The following HMCN2 variants were observed in gnomAD, a reference collection of about 807,000 sequenced individuals.
HMCN2 encodes the protein hemicentin-2.
In HMCN2, 325 loss-of-function variants were observed where a neutral mutation model predicts 377.5. The ratio of observed to expected loss-of-function variants is 0.86; its 90% CI spans 0.79 to 0.94. The LOEUF (loss-of-function observed/expected upper bound fraction) is 0.94, where lower values mean the gene tolerates loss of function less well. Ranked by LOEUF, HMCN2 falls within the 40% of genes least tolerant of loss-of-function variation. The pLI is 0.00. For synonymous variants in HMCN2, 2,007 were observed against 2,046.8 expected (o/e 0.98, Z 0.53); for missense variants, 4,543 against 4,725.3 (o/e 0.96, Z 1.13).
At chr9:130,432,682 C>T in intron 97 of HMCN2, 127 bp downstream of exon 97, 1 of 1,049,672 alleles carries the variant, frequency 9.5e-7, no homozygotes, top group South Asian at 1.6e-5. Flanking sequence ...GCACGGAGCC[C>T]TGGGGGCAGG....
chr9:130,326,367 A>G (rs1719261549), intron 21 of HMCN2, among the ~76,000 whole-genome samples: 1 of 152,050 alleles, frequency 6.6e-6, no homozygotes, highest in East Asian at 1.9e-4. Context: ...CGTCACAGCT[A>G]TGATTCAATA....
chr9:130,269,129 C>T lies in HMCN2; in HGVS notation c.259+2992C>T, dbSNP rs780565795. Among the ~76,000 whole-genome samples the T allele has an allele frequency of 2.0e-5, 3 of 148,162 alleles. 1 individual carries two copies. The highest frequency in any genetic ancestry group is 2.2e-4 in the South Asian group (1 of 4,576). On this transcript the variant is annotated intron_variant, in intron 1 of 97. Coordinates refer to ENST00000683500, the MANE Select transcript of HMCN2 (RefSeq NM_001291815.2). ...GAGGCGGGTGCGGGGCAAATCGTGG[C>T]GGTTCTAGACTGTTCCTGCTTGGAG...
chr9:130,340,827 G>A (rs1255795879), intron 23 of HMCN2, among the ~76,000 whole-genome samples: 3 of 152,166 alleles, frequency 2.0e-5, no homozygotes, highest in Non-Finnish European at 4.4e-5. Context: ...CCCGAGTGGC[G>A]CTTCTTAAAT....
Position 130,396,222 on chromosome 9 carries a change from A to ACAGC in HMCN2, c.11109_11112dup (p.Leu3705SerfsTer32). 7 of 1,286,692 alleles carry ACAGC rather than the reference A, an allele frequency of 5.4e-6. No homozygotes were observed. Among genetic ancestry groups the ACAGC allele is most frequent in the Non-Finnish European group, 7.1e-6 (7 of 986,272 alleles). 79.7% of individuals were successfully genotyped at this position (1,286,692 alleles called of 1,614,324 possible). A position where few individuals can be genotyped will look rare whatever the true frequency, so the allele number is the denominator to read the frequency against. The stretch of plus-strand genomic sequence containing the variant: ...TGCAGTGAACGTCTCAGTGAACCAG[A>ACAGC]CAGCCCTGCTGCCTTGCCAGGCCGA... On this transcript the variant is annotated frameshift_variant, in exon 73 of 98. Coordinates refer to ENST00000683500, the MANE Select transcript of HMCN2 (RefSeq NM_001291815.2). LOFTEE classifies it high-confidence loss of function.
At chr9:130,425,512 C>T (rs1165509999) in intron 89 of HMCN2, among the ~76,000 whole-genome samples, 175 bp from the exon 90 acceptor site, 1 of 149,970 alleles carries the variant, frequency 6.7e-6, no homozygotes, top group African/African-American at 2.5e-5. Flanking sequence ...CACCCCATCT[C>T]TTCCCAAGGC....
Position 130,425,773 on chromosome 9 carries a change from G to C in HMCN2, c.13728G>C (p.Ser4576=). ...TQRFFQGGLP[S]FLRCNHSIQY... is the part of the protein sequence containing the mutation. The stretch of plus-strand genomic sequence containing the variant: ...GCTTCTTCCAGGGCGGCCTCCCCTC[G>C]TTCCTACGCTGCAACCACAGCATCC... The change falls in exon 90 of 98, where the codon TCG becomes TCC. Residue 4576 remains serine (S), a synonymous_variant. Transcript: ENST00000683500. 1 of 1,550,310 alleles carries C rather than the reference G, an allele frequency of 6.5e-7. No individual in the cohort carries two copies. The highest frequency in any genetic ancestry group is 8.7e-7 in the Non-Finnish European group (1 of 1,146,976).
chr9:130,276,729 C>T (rs1022378951), intron 1 of HMCN2, among the ~76,000 whole-genome samples: 4 of 152,292 alleles, frequency 2.6e-5, no homozygotes, highest in African/African-American at 7.2e-5. Context: ...GAGGGAATCA[C>T]GTTTGCCCAG....
chr9:130,306,005 G>A (rs1554936525), intron 11 of HMCN2, 124 bp from the exon 12 acceptor site: 11 of 403,814 alleles, frequency 2.7e-5, no homozygotes, highest in Non-Finnish European at 5.2e-6. Context: ...GCCCTCTGGG[G>A]TCTTTGCTTT....
chr9:130,359,203 G>T (rs1181217402), intron 36 of HMCN2, 116 bp from the exon 37 acceptor site: 2 of 420,304 alleles, frequency 4.8e-6, no homozygotes, highest in South Asian at 2.2e-5. Context: ...CTGTTTTAGA[G>T]CCCTTAGTCT....
intron 1 of HMCN2, among the ~76,000 whole-genome samples, chr9:130,270,482 G>A (rs1262461499): frequency 4.7e-5 from 7 of 147,904 alleles, no homozygotes; most frequent in African/African-American, 1.7e-4. Flanking sequence ...TGTGAGGATT[G>A]CTTGAGCCCA....
chr9:130,405,066 C>G lies in HMCN2; in HGVS notation c.12339+7C>G. ...GCTGGTGAAGAACTTGGAGGTGAGG[C>G]ACTGCCCCAAGGGGCACAGCAGGGA... On this transcript the variant is annotated splice_region_variant and intron_variant, in intron 81 of 97. Transcript: ENST00000683500. 7.8e-7 allele frequency: 1 copy of G among 1,281,138 alleles called. No individual in the cohort carries two copies. The highest frequency in any genetic ancestry group is 5.6e-5 in the East Asian group (1 of 17,956). The allele number at this position is 1,281,138 out of a possible 1,614,324, so 79.4% of individuals were successfully genotyped here.
chr9:130,371,267 C>A, intron 46 of HMCN2, 136 bp downstream of exon 46: 1 of 349,046 alleles, frequency 2.9e-6, no homozygotes, highest in Non-Finnish European at 4.0e-6. Flanking sequence ...TGCTGGTCCC[C>A]AAAGAATGCA....
intron 30 of HMCN2, among the ~76,000 whole-genome samples, chr9:130,352,602 C>T (rs532601793): frequency 3.3e-4 from 50 of 152,276 alleles, no homozygotes; most frequent in African/African-American, 1.1e-3. Context: ...TCCAGCCTCT[C>T]ATTTCACAGA....
rs376524687 is a variant in HMCN2, at chr9:130,427,381, C to T, written c.13942+6C>T. ...CCAGGGAGCGTTTTGTGTGGGTGAG[C>T]GCCCCCAACCCTGGCATGGATGTGG... On this transcript the variant is annotated splice_donor_region_variant and intron_variant, in intron 91 of 97. Transcript: ENST00000683500. 2.8e-4 allele frequency: 430 copies of T among 1,550,356 alleles called. 1 individual carries two copies. Among genetic ancestry groups the T allele is most frequent in the Non-Finnish European group, 5.8e-5 (66 of 1,146,976 alleles).
Position 130,303,559 on chromosome 9 carries a change from C to A in HMCN2, c.1494C>A (p.Ala498=). The A allele has an allele frequency of 2.5e-6, 1 of 392,770 alleles. No homozygotes were observed. The highest frequency in any genetic ancestry group is 5.4e-6 in the Non-Finnish European group (1 of 184,812). The allele number at this position is 392,770 out of a possible 1,614,324, so 24.3% of individuals were successfully genotyped here. ...AGGAGGGCACGTACGAGTGCACAGC[C>A]GTCAGCAGGGCTGGGACCGGGCGAG... The part of the protein sequence containing the change: ...KAEEGTYECT[A]VSRAGTGRAK... The change falls in exon 10 of 98, where the codon GCC becomes GCA. Residue 498 remains alanine, a synonymous_variant. Transcript: ENST00000683500. The surrounding 1 kb of genome is among the most constrained non-coding windows in gnomAD (Gnocchi z 5.2).
At chr9:130,385,239 G>C (rs1841958910) in intron 59 of HMCN2, among the ~76,000 whole-genome samples, 1 of 152,158 alleles carries the variant, frequency 6.6e-6, no homozygotes, top group African/African-American at 2.4e-5. Flanking sequence ...AGCCACAGGG[G>C]CTGAACGGGC....
intron 14 of HMCN2, 115 bp downstream of exon 14, chr9:130,307,681 C>T (rs976598521): frequency 3.9e-5 from 17 of 436,390 alleles, no homozygotes; most frequent in South Asian, 8.4e-5. Flanking sequence ...TTCTGCTCCC[C>T]GCCGCCCTGA....
Position 130,266,155 on chromosome 9 carries a change from C to T in HMCN2, c.259+18C>T, listed in dbSNP as rs1470721948. 4 of 459,540 alleles carry T rather than the reference C, an allele frequency of 8.7e-6. No homozygotes were observed. The Admixed American group carries it at 9.4e-5, about 11-fold the overall frequency. The allele number at this position is 459,540 out of a possible 1,614,324, so 28.5% of individuals were successfully genotyped here. A position where few individuals can be genotyped will look rare whatever the true frequency, so the allele number is the denominator to read the frequency against. ...CGACCCAGGTAGCGCCCCCGCACCCCCGCCCGCCGGGCGCCCCCTTCGAGG... is the reference window on the plus strand; with the variant it reads ...CGACCCAGGTAGCGCCCCCGCACCCTCGCCCGCCGGGCGCCCCCTTCGAGG... On this transcript the variant is annotated intron_variant, in intron 1 of 97. Coordinates refer to ENST00000683500, the MANE Select transcript of HMCN2 (RefSeq NM_001291815.2).
At chr9:130,306,513 C>T (rs944953474) in intron 12 of HMCN2, among the ~76,000 whole-genome samples, 7 of 151,340 alleles carry the variant, frequency 4.6e-5, no homozygotes, top group Non-Finnish European at 1.0e-4. Flanking sequence ...CCCCACCATT[C>T]AGGCTGTGTG....
Sources: gnomAD v4.1 joint callset for allele counts (sites outside exome capture counted in the v4.1 genomes callset) on GRCh38, gnomAD v4.1.1 for gene constraint, Gnocchi (gnomAD v3.1) non-coding constraint, MANE v1.5 for transcripts, NCBI Gene and HGNC (gene_info 2026-07-23, HGNC 2026-07-21) for gene names.